The following CRTAC1 variants were observed in gnomAD, a reference collection of about 807,000 sequenced individuals.
The protein encoded by CRTAC1 is acidic secreted protein in cartilage.
Under a neutral mutation model 67.8 loss-of-function variants are expected in CRTAC1, and 37 were observed. That is an observed-to-expected ratio of 0.55 (90% confidence interval 0.42 to 0.72). The LOEUF (loss-of-function observed/expected upper bound fraction) is 0.72, where lower values mean the gene tolerates loss of function less well. Ranked by LOEUF, CRTAC1 falls within the 30% of genes least tolerant of loss-of-function variation. The probability of loss-of-function intolerance (pLI) is 0.00; values close to 1 mark genes in which losing one functional copy is unlikely to be tolerated. For synonymous variants in CRTAC1, 348 were observed against 371.0 expected (o/e 0.94, Z 0.71); for missense variants, 780 against 931.6 (o/e 0.84, Z 2.12).
intron 2 of CRTAC1, among the ~76,000 whole-genome samples, chr10:97,998,733 C>T (rs1842632409): frequency 6.6e-6 from 1 of 151,974 alleles, no homozygotes; most frequent in Non-Finnish European, 1.5e-5. Flanking sequence ...AAAACATTGT[C>T]TTTATACAGT....
At chr10:97,976,136 C>T (rs544404795) in intron 2 of CRTAC1, among the ~76,000 whole-genome samples, 24 of 152,322 alleles carry the variant, frequency 1.6e-4, no homozygotes, top group Admixed American at 7.8e-4. Flanking sequence ...TCCAGACCTT[C>T]ACTGATTATA....
At position 97,992,403 on chromosome 10, in the gene CRTAC1, A is replaced by T. The variant is rs148011708; in HGVS notation, c.224+18735T>A. Among the ~76,000 whole-genome samples the T allele has an allele frequency of 5.7e-4, 87 of 152,364 alleles. No individual in the cohort carries two copies. The East Asian group carries it at 0.016, about 28-fold the overall frequency. ...CGTATGGAAGTTCCTCAAAAACTTAAAAATAGAACTACCATATGATCAAGC... is the reference window on the plus strand; with the variant it reads ...CGTATGGAAGTTCCTCAAAAACTTATAAATAGAACTACCATATGATCAAGC... On this transcript the variant is annotated intron_variant, in intron 2 of 14. Transcript: ENST00000370597.
At chr10:97,985,847 G>C (rs1352012299) in intron 2 of CRTAC1, among the ~76,000 whole-genome samples, 1 of 152,168 alleles carries the variant, frequency 6.6e-6, no homozygotes, top group African/African-American at 2.4e-5. Flanking sequence ...AGCCTGTCCT[G>C]CACTGAAATA....
rs991298432 is a variant in CRTAC1 at position 97,884,443 on chromosome 10, A to G, written c.1487-92T>C. 4.1e-6 allele frequency: 5 copies of G among 1,230,386 alleles called. No individual in the cohort carries two copies. The African/African-American group carries it at 7.5e-5, about 18-fold the overall frequency. 76.2% of individuals were successfully genotyped at this position (1,230,386 alleles called of 1,614,324 possible). A position where few individuals can be genotyped will look rare whatever the true frequency, so the allele number is the denominator to read the frequency against. On this transcript the variant is annotated intron_variant, in intron 11 of 14. Transcript: ENST00000370597. ...CATCAACTAATTCATCCATTGAATA[A>G]AAGCATGAATTGAGCACTGTTCTAA... is the stretch of plus-strand genomic sequence containing the variant.
chr10:98,020,818 C>A (rs1447379886), intron 1 of CRTAC1, among the ~76,000 whole-genome samples: 2 of 152,178 alleles, frequency 1.3e-5, no homozygotes, highest in African/African-American at 2.4e-5. Context: ...CTGGAAAAGA[C>A]CTTGGAAGCC....
Position 98,030,347 on chromosome 10 carries a change from G to T in CRTAC1, c.24+102C>A. On this transcript the variant is annotated intron_variant, in intron 1 of 14. Transcript: ENST00000370597. This position sits in a 1 kb window ranked among gnomAD's most constrained non-coding sequence, Gnocchi z 4.2. ...GCGATCCCAGTCTTCCCGGGTTCCCGGGCGGCGTCCCCGCCACCCTTGCGG... is the reference window on the plus strand; with the variant it reads ...GCGATCCCAGTCTTCCCGGGTTCCCTGGCGGCGTCCCCGCCACCCTTGCGG... The T allele has an allele frequency of 2.7e-6, 2 of 730,244 alleles. No individual in the cohort carries two copies. The highest frequency in any genetic ancestry group is 3.8e-6 in the Non-Finnish European group (2 of 521,042). The allele number at this position is 730,244 out of a possible 1,614,324, so 45.2% of individuals were successfully genotyped here.
At chr10:97,905,348 C>T (rs2050597334) in intron 6 of CRTAC1, among the ~76,000 whole-genome samples, 1 of 152,186 alleles carries the variant, frequency 6.6e-6, no homozygotes, top group Non-Finnish European at 1.5e-5. Context: ...TTTGCTCAAG[C>T]AGGTCTCTAC....
chr10:97,890,242 G>A (rs373027329), intron 11 of CRTAC1, among the ~76,000 whole-genome samples: 4 of 152,052 alleles, frequency 2.6e-5, no homozygotes, highest in South Asian at 4.2e-4. Context: ...TCATCCTCCT[G>A]AGTAACTGGG....
At chr10:97,907,031 C>A (rs1423519320) in intron 6 of CRTAC1, among the ~76,000 whole-genome samples, 1 of 152,104 alleles carries the variant, frequency 6.6e-6, no homozygotes, top group Admixed American at 6.5e-5. Context: ...TTGGCAAGGT[C>A]GGGGGAAATG....
At chr10:98,009,223 A>G (rs537669890) in intron 2 of CRTAC1, among the ~76,000 whole-genome samples, 145 of 152,380 alleles carry the variant, frequency 9.5e-4, no homozygotes, top group African/African-American at 3.4e-3. Context: ...TAATTAAAAT[A>G]AAAGAAAATT....
chr10:97,917,472 A>C (rs938580840), intron 5 of CRTAC1, 28 bp downstream of exon 5: 3 of 1,469,952 alleles, frequency 2.0e-6, no homozygotes, highest in Non-Finnish European at 2.7e-6. Flanking sequence ...CCCCTCCAGC[A>C]TACTACCTCC....
intron 1 of CRTAC1, among the ~76,000 whole-genome samples, chr10:98,026,088 A>G (rs750459429): frequency 6.6e-6 from 1 of 152,208 alleles, no homozygotes; most frequent in Non-Finnish European, 1.5e-5. Flanking sequence ...TTCAGCAATA[A>G]TATCCCCTTC....
At chr10:97,948,712 G>A (rs988559314) in intron 2 of CRTAC1, among the ~76,000 whole-genome samples, 2 of 152,198 alleles carry the variant, frequency 1.3e-5, no homozygotes, top group Admixed American at 1.3e-4. Flanking sequence ...GTAATATCCT[G>A]TATTAGTTCA....
rs565272602 is a variant in CRTAC1, at chr10:97,928,647, A to AAATCAGG, written c.422-5254_422-5248dup. Among the ~76,000 whole-genome samples the AAATCAGG allele has an allele frequency of 1.3e-3, 201 of 152,308 alleles. 1 individual carries two copies. Among genetic ancestry groups the AAATCAGG allele is most frequent in the African/African-American group, 4.7e-3 (194 of 41,574 alleles). ...GACAGTATGTCTGGGAGATGCCTTG[A>AAATCAGG]AATCAGGATGGAAGAGTCGCTGTGA... On this transcript the variant is annotated intron_variant, in intron 3 of 14. Transcript: ENST00000370597.
At chr10:97,986,937 C>T (rs975683504) in intron 2 of CRTAC1, among the ~76,000 whole-genome samples, 2 of 152,152 alleles carry the variant, frequency 1.3e-5, no homozygotes, top group Non-Finnish European at 2.9e-5. Flanking sequence ...GTGTAAAGGG[C>T]AAAGCACAGA....
intron 2 of CRTAC1, among the ~76,000 whole-genome samples, chr10:97,954,275 A>T (rs2051405558): frequency 6.6e-6 from 1 of 152,200 alleles, no homozygotes; most frequent in Admixed American, 6.5e-5. Flanking sequence ...AGGACCCCCC[A>T]GGACTGGATG....
intron 14 of CRTAC1, chr10:97,879,719 T>C: frequency 1.9e-6 from 3 of 1,550,398 alleles, no homozygotes; most frequent in Non-Finnish European, 2.6e-6. Context: ...GTCCAAGGCC[T>C]AGAGAAAGAT....
At chr10:97,934,208 G>A (rs958120611) in intron 3 of CRTAC1, among the ~76,000 whole-genome samples, 2 of 152,188 alleles carry the variant, frequency 1.3e-5, no homozygotes, top group South Asian at 2.1e-4. Context: ...ATCCCTTGAC[G>A]CTGATCCCTT....
At chr10:97,901,098 C>T (rs2050533031) in intron 8 of CRTAC1, among the ~76,000 whole-genome samples, 3 of 131,834 alleles carry the variant, frequency 2.3e-5, no homozygotes, top group African/African-American at 9.5e-5. Context: ...AGCCCCTTTT[C>T]CTGGTAGTGA....
Sources: gnomAD v4.1 joint callset for allele counts (sites outside exome capture counted in the v4.1 genomes callset) on GRCh38, gnomAD v4.1.1 for gene constraint, Gnocchi (gnomAD v3.1) non-coding constraint, MANE v1.5 for transcripts, NCBI Gene and HGNC (gene_info 2026-07-23, HGNC 2026-07-21) for gene names.